ARHGAP15: variants seen among roughly 807,000 people sequenced by gnomAD.
The protein encoded by ARHGAP15 is Rho GTPase activating protein 15.
In ARHGAP15, 51 loss-of-function variants were observed where a neutral mutation model predicts 63.7. The ratio of observed to expected loss-of-function variants is 0.80; its 90% confidence interval spans 0.64 to 1.01. ARHGAP15 has a LOEUF of 1.01. ARHGAP15 is among the 50% of genes least tolerant of loss of function. The pLI is 0.00. For synonymous variants in ARHGAP15, 191 were observed against 193.8 expected (o/e 0.99, Z 0.12); for missense variants, 560 against 564.6 (o/e 0.99, Z 0.08).
chr2:143,466,559 T>C (rs1302020062), intron 8 of ARHGAP15, among the ~76,000 whole-genome samples: 1 of 152,114 alleles, frequency 6.6e-6, no homozygotes, highest in Non-Finnish European at 1.5e-5. Context: ...TCCTGACTCC[T>C]AGTCCAATAC....
At chr2:143,688,421 G>A (rs1683447350) in intron 12 of ARHGAP15, among the ~76,000 whole-genome samples, 1 of 152,148 alleles carries the variant, frequency 6.6e-6, no homozygotes, top group Admixed American at 6.6e-5. Context: ...AATGCCCCCA[G>A]AGCTTTCACC....
chr2:143,733,961 ATT>A (rs1685647885), intron 13 of ARHGAP15, among the ~76,000 whole-genome samples: 1 of 152,160 alleles, frequency 6.6e-6, no homozygotes, highest in Non-Finnish European at 1.5e-5. Flanking sequence ...TCTGCAAAAA[ATT>A]TGTTTTAAGA....
chr2:143,362,488 C>T (rs1459675639), intron 6 of ARHGAP15, among the ~76,000 whole-genome samples: 1 of 152,118 alleles, frequency 6.6e-6, no homozygotes, highest in Non-Finnish European at 1.5e-5. Context: ...TCTTCAACCC[C>T]TTTATTTCCT....
intron 11 of ARHGAP15, among the ~76,000 whole-genome samples, chr2:143,567,108 C>T (rs1247714952): frequency 6.6e-6 from 1 of 152,048 alleles, no homozygotes; most frequent in Admixed American, 6.5e-5. Context: ...ATCTCCTGAC[C>T]TCGTGATCTG....
chr2:143,434,615 A>G (rs532338188), intron 6 of ARHGAP15, among the ~76,000 whole-genome samples: 1 of 152,236 alleles, frequency 6.6e-6, no homozygotes, highest in African/African-American at 2.4e-5. Flanking sequence ...CTGGCTCCTG[A>G]TTGAGTATTT....
chr2:143,538,014 T>G (rs1694859837), intron 10 of ARHGAP15, among the ~76,000 whole-genome samples: 2 of 152,248 alleles, frequency 1.3e-5, no homozygotes, highest in Admixed American at 6.5e-5. Flanking sequence ...CCCATGAGCA[T>G]AGAATATTCT....
intron 6 of ARHGAP15, among the ~76,000 whole-genome samples, chr2:143,370,780 G>C (rs1218587085): frequency 6.6e-6 from 1 of 152,136 alleles, no homozygotes; most frequent in Non-Finnish European, 1.5e-5. Context: ...TTTCCCAGTG[G>C]TGATGTGTGG....
intron 12 of ARHGAP15, chr2:143,648,755 G>A (rs751726408): frequency 3.9e-5 from 6 of 151,932 alleles, no homozygotes; most frequent in Admixed American, 6.6e-5. Flanking sequence ...ACGCCCTGTA[G>A]TCACAAATAA....
intron 6 of ARHGAP15, among the ~76,000 whole-genome samples, chr2:143,266,662 TAG>T (rs1681013916): frequency 6.6e-6 from 1 of 152,136 alleles, no homozygotes; most frequent in African/African-American, 2.4e-5. Flanking sequence ...GACAGAGAGA[TAG>T]AGTTCTCCTT....
At chr2:143,152,924 G>T (rs992254311) in intron 1 of ARHGAP15, among the ~76,000 whole-genome samples, 1 of 151,888 alleles carries the variant, frequency 6.6e-6, no homozygotes, top group Non-Finnish European at 1.5e-5. Context: ...AGAGAGATCC[G>T]CCTGATGGAA....
At chr2:143,443,460 G>A (rs1465917943) in intron 8 of ARHGAP15, among the ~76,000 whole-genome samples, 3 of 150,204 alleles carry the variant, frequency 2.0e-5, no homozygotes, top group South Asian at 2.1e-4. Flanking sequence ...AATAACTAGC[G>A]CCACTCTGGT....
intron 11 of ARHGAP15, among the ~76,000 whole-genome samples, chr2:143,614,919 G>C (rs974142012): frequency 3.9e-5 from 6 of 152,188 alleles, no homozygotes; most frequent in African/African-American, 1.4e-4. Flanking sequence ...GTTTGTTTAG[G>C]CCAGAATAAT....
At chr2:143,315,856 G>A (rs972735836) in intron 6 of ARHGAP15, among the ~76,000 whole-genome samples, 31 of 144,530 alleles carry the variant, frequency 2.1e-4, no homozygotes, top group African/African-American at 7.0e-4. Context: ...AGGCAGAGGC[G>A]GGTGGATCAC....
At chr2:143,587,972 T>C (rs1204848293) in intron 11 of ARHGAP15, among the ~76,000 whole-genome samples, 1 of 152,194 alleles carries the variant, frequency 6.6e-6, no homozygotes, top group Non-Finnish European at 1.5e-5. Context: ...TAGAAGACGA[T>C]TTAACAATGT....
intron 6 of ARHGAP15, chr2:143,305,298 G>A (rs1003566429): frequency 7.6e-6 from 1 of 131,520 alleles, no homozygotes; most frequent in Admixed American, 8.6e-5. Flanking sequence ...ACGGGGAGGG[G>A]AACATCACAC....
At chr2:143,436,856 A>G (rs1689634152) in intron 7 of ARHGAP15, 57 bp from the exon 8 acceptor site, 3 of 1,568,180 alleles carry the variant, frequency 1.9e-6, no homozygotes, top group East Asian at 2.2e-5. Context: ...ACAAAATTCT[A>G]TGGTGAATCC....
chr2:143,498,764 A>G (rs1692930467), intron 9 of ARHGAP15, among the ~76,000 whole-genome samples: 1 of 152,084 alleles, frequency 6.6e-6, no homozygotes, highest in South Asian at 2.1e-4. Context: ...TCTTCTCTCA[A>G]TGGGAGGCAA....
intron 4 of ARHGAP15, among the ~76,000 whole-genome samples, chr2:143,226,520 T>G: frequency 6.6e-6 from 1 of 152,218 alleles, no homozygotes. Context: ...AATCTTTCTC[T>G]TTTTCCTGTT....
At chr2:143,687,728 C>T (rs971413690) in intron 12 of ARHGAP15, among the ~76,000 whole-genome samples, 5 of 152,138 alleles carry the variant, frequency 3.3e-5, no homozygotes, top group African/African-American at 9.7e-5. Context: ...CCAAACTAAA[C>T]GTTATCATTT....
Sources: allele counts gnomAD v4.1 joint callset (sites outside exome capture counted in the v4.1 genomes callset), GRCh38; gene constraint gnomAD v4.1.1; transcripts MANE v1.5; gene names NCBI Gene and HGNC (gene_info 2026-07-23, HGNC 2026-07-21).